The following CRAMP1 variants were observed in gnomAD, a reference collection of about 807,000 sequenced individuals.
The protein encoded by CRAMP1 is protein cramped-like.
In CRAMP1, 50 loss-of-function variants were observed where a neutral mutation model predicts 115.4. The observed-to-expected ratio is 0.43, with a 90% CI of 0.35 to 0.55. The LOEUF is 0.55. CRAMP1 is among the 20% of genes least tolerant of loss of function. The probability of loss-of-function intolerance (pLI) is 0.01; values close to 1 mark genes in which losing one functional copy is unlikely to be tolerated. For synonymous variants in CRAMP1, 866 were observed against 745.4 expected (o/e 1.16, Z -2.64); for missense variants, 1,679 against 1,721.7 (o/e 0.98, Z 0.44).
At chr16:1,647,112 C>T in intron 6 of CRAMP1, 1 of 701,644 alleles carries the variant, frequency 1.4e-6, no homozygotes, top group Non-Finnish European at 2.6e-6. Flanking sequence ...TGGATTTCAG[C>T]CCAAAAGCGA....
In CRAMP1 at chr16:1,667,944, AT is replaced by A; in HGVS notation, c.3103-17del. The A allele has an allele frequency of 1.3e-6, 2 of 1,529,046 alleles. No homozygotes were observed. The highest frequency in any genetic ancestry group is 2.3e-5 in the East Asian group (1 of 42,734). The allele number at this position is 1,529,046 out of a possible 1,614,324, so 94.7% of individuals were successfully genotyped here. On this transcript the variant is annotated splice_polypyrimidine_tract_variant and intron_variant, in intron 17 of 20. Coordinates refer to ENST00000397412, the MANE Select transcript of CRAMP1 (RefSeq NM_020825.4). ...TGATAGACCTGGTTGTGTCTGAAAA[AT>A]ACCTGTCTCCCAGCAGGGCTCATCT... is the stretch of plus-strand genomic sequence containing the variant.
Position 1,655,279 on chromosome 16 carries a change from G to A in CRAMP1, c.1098G>A (p.Trp366Ter). The A allele has an allele frequency of 6.2e-7, 1 of 1,613,970 alleles. No homozygotes were observed. Among genetic ancestry groups the A allele is most frequent in the Non-Finnish European group, 8.5e-7 (1 of 1,179,838 alleles). Residue 366 changes from tryptophan to a stop codon, truncating the protein, a stop_gained, in exon 9 of 21, where the codon TGG (tryptophan) becomes TGA (stop). Transcript: ENST00000397412. LOFTEE classifies it high-confidence loss of function. ...TCATCGAATTCTTGAAGCAGAAGTG[G>A]GCGCTCCATGAGGTGCGAGTTGTAT... ...SSLIEFLKQK[W>*]ALHEVRVRKT...
chr16:1,668,895 G>A (rs148149306), intron 18 of CRAMP1, 106 bp from the exon 19 acceptor site: 207 of 1,049,608 alleles, frequency 2.0e-4, no homozygotes, highest in Admixed American at 4.3e-4. Context: ...GTTCAGCAGG[G>A]TAGAGCCCTG....
chr16:1,634,297 A>G (rs1353228120), intron 4 of CRAMP1, among the ~76,000 whole-genome samples: 1 of 152,238 alleles, frequency 6.6e-6, no homozygotes, highest in African/African-American at 2.4e-5. Flanking sequence ...TCAAATGCAC[A>G]TTCTACTTGC....
At chr16:1,670,546 TGGGGCC>T (rs1244890333) in intron 19 of CRAMP1, 112 bp from the exon 20 acceptor site, 16 of 1,086,884 alleles carry the variant, frequency 1.5e-5, no homozygotes, top group East Asian at 4.7e-5. Flanking sequence ...AAGTCTGGAT[TGGGGCC>T]GGGGCCGGGG....
Position 1,641,287 on chromosome 16 carries a change from G to A in CRAMP1, c.827+100G>A. The A allele has an allele frequency of 3.4e-6, 3 of 876,258 alleles. No individual in the cohort carries two copies. The South Asian group carries it at 4.2e-5, about 12-fold the overall frequency. The allele number at this position is 876,258 out of a possible 1,614,324, so 54.3% of individuals were successfully genotyped here. ...AATGCTCTCAGTGAGGACCTTCCGA[G>A]TTAAAACTTCATAACCTCTCAGTTA... On this transcript the variant is annotated intron_variant, in intron 6 of 20. Transcript: ENST00000397412.
chr16:1,644,667 A>AT (rs1230229126), intron 6 of CRAMP1, among the ~76,000 whole-genome samples: 1 of 152,154 alleles, frequency 6.6e-6, no homozygotes, highest in Non-Finnish European at 1.5e-5. Context: ...GAACTGGGTC[A>AT]TGGAAGCCTC....
intron 6 of CRAMP1, 80 bp downstream of exon 6, chr16:1,641,267 T>C (rs2036629618): frequency 2.9e-6 from 3 of 1,039,160 alleles, no homozygotes; most frequent in Admixed American, 1.8e-5. Context: ...GCTGAAATGC[T>C]CTCAGTGAGG....
At position 1,614,819 on chromosome 16, in the gene CRAMP1, C is replaced by T. The variant is rs2036402994; in HGVS notation, c.180C>T (p.Pro60=). Reference sequence around the variant, plus strand: ...CCCGGGCCGGCGCCGACGGCCCCCCCGCGCCCCCCGGCGCGCCGCAGGCGC... The same window carrying T: ...CCCGGGCCGGCGCCGACGGCCCCCCTGCGCCCCCCGGCGCGCCGCAGGCGC... ...KTPRAGADGP[P]APPGAPQAPS... The change falls in exon 2 of 21, where the codon CCC becomes CCT. Residue 60 remains proline (P), a synonymous_variant. Coordinates refer to ENST00000397412, the MANE Select transcript of CRAMP1 (RefSeq NM_020825.4). This position sits in a 1 kb window ranked among gnomAD's most constrained non-coding sequence, Gnocchi z 4.4. 6 of 1,269,968 alleles carry T rather than the reference C, an allele frequency of 4.7e-6. No homozygotes were observed. Among genetic ancestry groups the T allele is most frequent in the Non-Finnish European group, 4.9e-6 (5 of 1,011,738 alleles). 78.7% of individuals were successfully genotyped at this position (1,269,968 alleles called of 1,614,324 possible).
At chr16:1,628,548 C>A (rs2036524816) in intron 3 of CRAMP1, among the ~76,000 whole-genome samples, 1 of 152,268 alleles carries the variant, frequency 6.6e-6, no homozygotes, top group Non-Finnish European at 1.5e-5. Flanking sequence ...GTCACCGCAC[C>A]TGGCCTAACA....
intron 5 of CRAMP1, among the ~76,000 whole-genome samples, chr16:1,640,630 C>G (rs191111165): frequency 1.4e-4 from 22 of 152,346 alleles, no homozygotes; most frequent in Non-Finnish European, 1.5e-5. Context: ...AATGGGGCGT[C>G]TGCTCCAGGA....
At chr16:1,670,912 A>G (rs1318302902) in intron 20 of CRAMP1, 103 bp downstream of exon 20, 7 of 1,103,930 alleles carry the variant, frequency 6.3e-6, no homozygotes, top group Non-Finnish European at 9.1e-6. Context: ...CTGTTTGCCA[A>G]GAGTAGAAGA....
Position 1,674,025 on chromosome 16 carries a change from G to C in CRAMP1, c.3790G>C (p.Val1264Leu). Reference sequence around the variant, plus strand: ...TGATGGTGGTGGAGGCGGCCCCGCTGTCAGTGACCTGTCCCAGTGACCACA... The same window carrying C: ...TGATGGTGGTGGAGGCGGCCCCGCTCTCAGTGACCTGTCCCAGTGACCACA... Reference protein sequence around the residue: ...LFDGGGGGPAVSDLSQ With the variant: ...LFDGGGGGPALSDLSQ Residue 1264 changes from valine (V) to leucine (L), a missense_variant, in exon 21 of 21, where the codon GTC becomes CTC. By Grantham distance (32) the Val-to-Leu change is conservative (BLOSUM62 1). This residue lies in a region of CRAMP1 where 709 missense variants were observed against 741.9 expected (regional missense o/e 0.96). Transcript: ENST00000397412. 6.2e-7 allele frequency: 1 copy of C among 1,612,102 alleles called. No homozygotes were observed. Among genetic ancestry groups the C allele is most frequent in the Non-Finnish European group, 8.5e-7 (1 of 1,179,844 alleles).
intron 2 of CRAMP1, among the ~76,000 whole-genome samples, chr16:1,618,203 A>C (rs2036437460): frequency 6.6e-6 from 1 of 152,046 alleles, no homozygotes; most frequent in Non-Finnish European, 1.5e-5. Context: ...AATCGCTTGA[A>C]CCCGGGAGGC....
chr16:1,656,187 C>G lies in CRAMP1; in HGVS notation c.1430C>G (p.Pro477Arg), dbSNP rs1436409347. The G allele has an allele frequency of 6.2e-7, 1 of 1,601,992 alleles. No homozygotes were observed. Among genetic ancestry groups the G allele is most frequent in the Non-Finnish European group, 8.5e-7 (1 of 1,174,796 alleles). The change falls in exon 10 of 21, where the codon CCT becomes CGT. Residue 477 changes from proline (P) to arginine (R), a missense_variant. Transcript: ENST00000397412. This position sits in a 1 kb window ranked among gnomAD's most constrained non-coding sequence, Gnocchi z 5.6. Reference sequence around the variant, plus strand: ...GAGGGCAAGGGTGTGGGGCGGCCCCCTCCTGCGGCTGACGCCTTGCAGAGC... The same window carrying G: ...GAGGGCAAGGGTGTGGGGCGGCCCCGTCCTGCGGCTGACGCCTTGCAGAGC... ...GAEGKGVGRP[P>R]PAADALQSSG...
intron 6 of CRAMP1, among the ~76,000 whole-genome samples, chr16:1,645,075 A>G (rs1431326300): frequency 6.6e-6 from 1 of 150,670 alleles, no homozygotes; most frequent in Non-Finnish European, 1.5e-5. Flanking sequence ...AGTTTGTTTT[A>G]AAACATTTTA....
rs1228555655 is a variant in CRAMP1, at chr16:1,677,043, A to C, written c.*2998A>C. The C allele has an allele frequency of 6.6e-6, 1 of 152,670 alleles. No homozygotes were observed. The highest frequency in any genetic ancestry group is 1.9e-4 in the East Asian group (1 of 5,204). The allele number at this position is 152,670 out of a possible 1,614,324, so 9.5% of individuals were successfully genotyped here. ...TCTTCTGCAAAGAAAGTTGTGGGGC[A>C]TAAGACACCGGGAATGAGGGAGGAG... On this transcript the variant is annotated 3_prime_UTR_variant, in exon 21 of 21. Transcript: ENST00000397412.
chr16:1,639,742 C>A (rs1224653192), intron 5 of CRAMP1, among the ~76,000 whole-genome samples: 2 of 152,196 alleles, frequency 1.3e-5, no homozygotes, highest in Non-Finnish European at 1.5e-5. Context: ...AATTTCCCAT[C>A]TGCCATGAAG....
intron 2 of CRAMP1, among the ~76,000 whole-genome samples, chr16:1,623,077 A>G (rs932452684): frequency 6.6e-6 from 1 of 152,200 alleles, no homozygotes; most frequent in African/African-American, 2.4e-5. Context: ...TTGTATTTTT[A>G]GTAGAGACAG....
Sources: gnomAD v4.1 joint callset for allele counts (sites outside exome capture counted in the v4.1 genomes callset) on GRCh38, gnomAD v4.1.1 for gene constraint, gnomAD v4.1.1 regional missense constraint, Gnocchi (gnomAD v3.1) non-coding constraint, MANE v1.5 for transcripts, NCBI Gene and HGNC (gene_info 2026-07-23, HGNC 2026-07-21) for gene names.